HPSE2: variants seen among roughly 807,000 people sequenced by gnomAD.
HPSE2 encodes inactive heparanase-2.
A neutral mutation model predicts 60.5 loss-of-function variants in HPSE2; 38 were observed. The ratio of observed to expected loss-of-function variants is 0.63; its 90% CI spans 0.48 to 0.82. The LOEUF (loss-of-function observed/expected upper bound fraction) is 0.82, where lower values mean the gene tolerates loss of function less well. HPSE2 is among the 40% of genes least tolerant of loss of function. HPSE2 has a pLI of 0.00. For missense variants in HPSE2, 713 were observed against 740.4 expected, an observed-to-expected ratio of 0.96 and a Z score of 0.43; for synonymous variants, 295 against 293.2, an observed-to-expected ratio of 1.01 and a Z score of -0.06.
chr10:99,176,903 T>A (rs751007892), intron 2 of HPSE2, among the ~76,000 whole-genome samples: 1 of 151,968 alleles, frequency 6.6e-6, no homozygotes, highest in South Asian at 2.1e-4. Flanking sequence ...GGGAAGCCCA[T>A]CAGACTAACA....
chr10:98,699,185 C>A (rs1179436368), intron 5 of HPSE2, among the ~76,000 whole-genome samples: 7 of 151,750 alleles, frequency 4.6e-5, no homozygotes, highest in African/African-American at 1.4e-4. Flanking sequence ...AGAGACACAA[C>A]AAAAAAAGAG....
chr10:98,877,458 T>C (rs761493050), intron 3 of HPSE2, among the ~76,000 whole-genome samples: 10 of 151,936 alleles, frequency 6.6e-5, no homozygotes, highest in Non-Finnish European at 1.5e-4. Flanking sequence ...AGCTGCTATC[T>C]TGACATTTTG....
chr10:99,025,194 G>A (rs75075384), intron 3 of HPSE2, among the ~76,000 whole-genome samples: 1 of 152,070 alleles, frequency 6.6e-6, no homozygotes, highest in African/African-American at 2.4e-5. Context: ...AAGGTGTAGA[G>A]TTTTTATTGG....
At chr10:98,678,072 C>A (rs2134129234) in intron 6 of HPSE2, among the ~76,000 whole-genome samples, 1 of 152,214 alleles carries the variant, frequency 6.6e-6, no homozygotes, top group African/African-American at 2.4e-5. Context: ...TTTTGTTTTT[C>A]TGCAACAGCA....
At chr10:98,825,310 A>T (rs746493069) in intron 3 of HPSE2, among the ~76,000 whole-genome samples, 8 of 150,262 alleles carry the variant, frequency 5.3e-5, no homozygotes, top group Non-Finnish European at 1.2e-4. Context: ...TAGAGCCAAA[A>T]TGTGATAAAC....
At chr10:98,604,030 T>C (rs918290903) in intron 9 of HPSE2, among the ~76,000 whole-genome samples, 1 of 152,096 alleles carries the variant, frequency 6.6e-6, no homozygotes, top group Non-Finnish European at 1.5e-5. Context: ...TCTCCCCCCA[T>C]ACCTTACCAC....
chr10:99,271,619 A>G, the HPSE2 span, among the ~76,000 whole-genome samples: 3 of 152,188 alleles, frequency 2.0e-5, no homozygotes, highest in African/African-American at 7.2e-5. Context: ...TACCACCATC[A>G]TTCTTCACAG....
chr10:99,001,629 C>G (rs959744787), intron 3 of HPSE2, among the ~76,000 whole-genome samples: 1 of 152,068 alleles, frequency 6.6e-6, no homozygotes, highest in Non-Finnish European at 1.5e-5. Flanking sequence ...TACTTTGTAA[C>G]TAGTCAAATG....
At chr10:99,053,755 A>G (rs1443411038) in intron 3 of HPSE2, among the ~76,000 whole-genome samples, 3 of 108,840 alleles carry the variant, frequency 2.8e-5, no homozygotes, top group Non-Finnish European at 5.2e-5. Flanking sequence ...TTTGAGACAG[A>G]GTCATGCTCT....
intron 3 of HPSE2, among the ~76,000 whole-genome samples, chr10:98,886,612 G>A (rs1266681192): frequency 2.0e-5 from 3 of 152,098 alleles, no homozygotes; most frequent in African/African-American, 2.4e-5. Flanking sequence ...AACTCACTAG[G>A]AGGAGCTTTG....
At chr10:99,017,853 C>T (rs1018022926) in intron 3 of HPSE2, among the ~76,000 whole-genome samples, 4 of 152,164 alleles carry the variant, frequency 2.6e-5, no homozygotes, top group Non-Finnish European at 4.4e-5. Context: ...TGAACACCTA[C>T]TTCATGCCAG....
At chr10:98,553,158 A>G (rs1943909537) in intron 9 of HPSE2, among the ~76,000 whole-genome samples, 3 of 152,222 alleles carry the variant, frequency 2.0e-5, no homozygotes, top group Non-Finnish European at 4.4e-5. Context: ...TCTAATTCAA[A>G]GCATCTACAA....
intron 2 of HPSE2, among the ~76,000 whole-genome samples, chr10:99,206,164 A>G (rs550369810): frequency 6.6e-6 from 1 of 152,364 alleles, no homozygotes; most frequent in Admixed American, 6.5e-5. Flanking sequence ...ACAGAATAGG[A>G]AATCTGTGAA....
the HPSE2 span, among the ~76,000 whole-genome samples, chr10:99,245,371 T>C: frequency 6.6e-6 from 1 of 152,364 alleles, no homozygotes; most frequent in East Asian, 1.9e-4. Context: ...TTTAATCTAT[T>C]TGATTCCTAG....
At chr10:99,078,132 T>C (rs532859738) in intron 3 of HPSE2, among the ~76,000 whole-genome samples, 1 of 152,222 alleles carries the variant, frequency 6.6e-6, no homozygotes, top group African/African-American at 2.4e-5. Flanking sequence ...CCATGCTTCC[T>C]GTACAGCCCA....
At chr10:98,662,865 T>G (rs1451898486) in intron 6 of HPSE2, among the ~76,000 whole-genome samples, 1 of 152,218 alleles carries the variant, frequency 6.6e-6, no homozygotes, top group African/African-American at 2.4e-5. Flanking sequence ...AAATACTGTT[T>G]GACTTGCATT....
intron 6 of HPSE2, among the ~76,000 whole-genome samples, chr10:98,660,755 T>C (rs564067329): frequency 2.6e-5 from 4 of 152,324 alleles, no homozygotes; most frequent in African/African-American, 9.6e-5. Context: ...ACCAGGGACC[T>C]TGCAACAATG....
At chr10:99,162,895 T>A (rs1420275124) in intron 2 of HPSE2, among the ~76,000 whole-genome samples, 2 of 152,186 alleles carry the variant, frequency 1.3e-5, no homozygotes, top group Admixed American at 1.3e-4. Context: ...CTCCGAGGCA[T>A]TCAGCATACC....
At chr10:99,039,155 C>T (rs1163739491) in intron 3 of HPSE2, among the ~76,000 whole-genome samples, 1 of 152,092 alleles carries the variant, frequency 6.6e-6, no homozygotes, top group African/African-American at 2.4e-5. Context: ...AGTTTGCCAC[C>T]CTGACTAATC....
Sources: allele counts gnomAD v4.1 joint callset (sites outside exome capture counted in the v4.1 genomes callset), GRCh38; gene constraint gnomAD v4.1.1; transcripts MANE v1.5; gene names NCBI Gene and HGNC (gene_info 2026-07-23, HGNC 2026-07-21).